The following MELK variants were observed in gnomAD, a reference collection of about 807,000 sequenced individuals.
MELK encodes maternal embryonic leucine zipper kinase, also known as pEg3 kinase.
In MELK, 81 loss-of-function variants were observed where a neutral mutation model predicts 85.0. The observed-to-expected ratio is 0.95, with a 90% CI of 0.80 to 1.15. MELK has a LOEUF of 1.15. Ranked by LOEUF, MELK falls within the 50% of genes most tolerant of loss-of-function variation. The probability of loss-of-function intolerance (pLI) is 0.00; values close to 1 mark genes in which losing one functional copy is unlikely to be tolerated. For missense variants in MELK, 754 were observed against 777.5 expected (o/e 0.97, Z 0.36); for synonymous variants, 252 against 265.0 (o/e 0.95, Z 0.48).
intron 4 of MELK, 53 bp from the exon 5 acceptor site, chr9:36,594,575 G>A (rs1823980478): frequency 4.4e-6 from 7 of 1,573,316 alleles, no homozygotes. Context: ...TTAAATTTCT[G>A]TGAAGTGATT....
intron 10 of MELK, among the ~76,000 whole-genome samples, chr9:36,636,433 C>T (rs1217030556): frequency 2.0e-5 from 3 of 151,948 alleles, no homozygotes; most frequent in African/African-American, 4.8e-5. Flanking sequence ...ACCTGGGAGG[C>T]GGAGGTTGCA....
chr9:36,645,684 G>C (rs1830157840), intron 11 of MELK, among the ~76,000 whole-genome samples: 1 of 152,112 alleles, frequency 6.6e-6, no homozygotes, highest in Non-Finnish European at 1.5e-5. Flanking sequence ...TGATGTTTAG[G>C]TCTCAACCCC....
intron 8 of MELK, among the ~76,000 whole-genome samples, chr9:36,613,323 C>T (rs370410963): frequency 1.3e-5 from 2 of 152,120 alleles, no homozygotes; most frequent in Non-Finnish European, 1.5e-5. Flanking sequence ...CTCATTTATT[C>T]GATGTCATTT....
chr9:36,675,180 G>A (rs1367057501), intron 17 of MELK, among the ~76,000 whole-genome samples: 1 of 152,158 alleles, frequency 6.6e-6, no homozygotes, highest in African/African-American at 2.4e-5. Flanking sequence ...CCAGCTACGT[G>A]GGAGGCTGAG....
chr9:36,573,098 G>A (rs1821255202), intron 1 of MELK, 91 bp downstream of exon 1: 1 of 152,242 alleles, frequency 6.6e-6, no homozygotes, highest in Admixed American at 6.5e-5. Flanking sequence ...GTTTGCTCCT[G>A]GCTCTCGGGA....
At chr9:36,642,686 C>T (rs1256195680) in intron 10 of MELK, among the ~76,000 whole-genome samples, 1 of 152,050 alleles carries the variant, frequency 6.6e-6, no homozygotes, top group Non-Finnish European at 1.5e-5. Flanking sequence ...GCCCCAGCCT[C>T]CCAAAATGCT....
chr9:36,658,538 C>T (rs1012213941), intron 13 of MELK, among the ~76,000 whole-genome samples: 2 of 152,180 alleles, frequency 1.3e-5, no homozygotes, highest in Non-Finnish European at 2.9e-5. Context: ...ATTGCTCTTA[C>T]ACTTTCCCTT....
chr9:36,660,282 C>G (rs2137610065), intron 13 of MELK, among the ~76,000 whole-genome samples: 1 of 152,272 alleles, frequency 6.6e-6, no homozygotes, highest in South Asian at 2.1e-4. Context: ...CTATTACTTA[C>G]TGCTTCGGCA....
intron 8 of MELK, among the ~76,000 whole-genome samples, chr9:36,609,652 A>G (rs989917406): frequency 3.3e-5 from 5 of 151,764 alleles, no homozygotes; most frequent in South Asian, 2.1e-4. Flanking sequence ...GATCTTCCCT[A>G]TGTTACCCAG....
chr9:36,669,892 G>A (rs919713054), intron 15 of MELK, among the ~76,000 whole-genome samples: 1 of 151,988 alleles, frequency 6.6e-6, no homozygotes, highest in Non-Finnish European at 1.5e-5. Context: ...TGGAGAATTA[G>A]AATGTGGACA....
At chr9:36,584,625 G>A (rs1171644929) in intron 3 of MELK, among the ~76,000 whole-genome samples, 8 of 150,966 alleles carry the variant, frequency 5.3e-5, no homozygotes, top group South Asian at 2.1e-4. Flanking sequence ...GAGGCACCGC[G>A]CCCGGCCCCA....
intron 13 of MELK, among the ~76,000 whole-genome samples, chr9:36,664,422 G>A (rs917807005): frequency 6.6e-6 from 1 of 152,146 alleles, no homozygotes; most frequent in African/African-American, 2.4e-5. Context: ...TTTCTTTCAG[G>A]TAGGAGTTGT....
chr9:36,667,111 C>A (rs1385168285), intron 14 of MELK, among the ~76,000 whole-genome samples: 1 of 151,816 alleles, frequency 6.6e-6, no homozygotes, highest in East Asian at 1.9e-4. Flanking sequence ...CGGACCTCAG[C>A]TCACCTTAGC....
chr9:36,597,371 T>G (rs1283586580), intron 6 of MELK, 81 bp downstream of exon 6: 4 of 1,257,802 alleles, frequency 3.2e-6, no homozygotes, highest in Non-Finnish European at 4.6e-6. Context: ...TGACTTCCAC[T>G]TATTCTTTAT....
chr9:36,580,860 CTGGGATTA>C (rs1564117398), intron 1 of MELK, among the ~76,000 whole-genome samples: 1 of 151,970 alleles, frequency 6.6e-6, no homozygotes, highest in Non-Finnish European at 1.5e-5. Context: ...TCCCAAGTAG[CTGGGATTA>C]CAGGTGAATG....
In MELK at chr9:36,630,285, CT is replaced by C; in HGVS notation, c.667-11del. ...TGATTGAACCTGAATCTCTTAAATGCTTTGTTTTTGTAGAGAGGAAAATATG... is the reference window on the plus strand; with the variant it reads ...TGATTGAACCTGAATCTCTTAAATGCTTGTTTTTGTAGAGAGGAAAATATG... On this transcript the variant is annotated splice_polypyrimidine_tract_variant and intron_variant, in intron 8 of 17. Coordinates refer to ENST00000298048, the MANE Select transcript of MELK (RefSeq NM_014791.4). The C allele has an allele frequency of 6.3e-7, 1 of 1,598,696 alleles. No homozygotes were observed. The highest frequency in any genetic ancestry group is 8.6e-7 in the Non-Finnish European group (1 of 1,167,438).
rs184467365 is a variant in MELK, at chr9:36,642,509, G to A, written c.835-488G>A. ...AGTGGCACAGTGTCAGCTCACTGCA[G>A]CCTCCGCCTCCTGGGTTCAAGTGAT... On this transcript the variant is annotated intron_variant, in intron 10 of 17. Coordinates refer to ENST00000298048, the MANE Select transcript of MELK (RefSeq NM_014791.4). 2.9e-4 allele frequency among the ~76,000 whole-genome samples: 41 copies of A among 141,338 alleles called. No individual in the cohort carries two copies. In the East Asian group the frequency reaches 7.5e-3, roughly 26 times the overall value. 92.7% of individuals were successfully genotyped at this position (141,338 alleles called of 152,430 possible). A position where few individuals can be genotyped will look rare whatever the true frequency, so the allele number is the denominator to read the frequency against.
At chr9:36,618,219 G>A (rs1341427905) in intron 8 of MELK, among the ~76,000 whole-genome samples, 4 of 151,766 alleles carry the variant, frequency 2.6e-5, no homozygotes, top group Non-Finnish European at 5.9e-5. Flanking sequence ...GAGTAGCCTG[G>A]CCAACATGGT....
chr9:36,597,836 A>G (rs1002879602), intron 6 of MELK, among the ~76,000 whole-genome samples: 3 of 152,224 alleles, frequency 2.0e-5, no homozygotes, highest in African/African-American at 7.2e-5. Context: ...GTTCTCCAGC[A>G]TAACTTCTCT....
Sources: allele counts gnomAD v4.1 joint callset (sites outside exome capture counted in the v4.1 genomes callset), GRCh38; gene constraint gnomAD v4.1.1; transcripts MANE v1.5; gene names NCBI Gene and HGNC (gene_info 2026-07-23, HGNC 2026-07-21).